HECA: variants seen among roughly 807,000 people sequenced by gnomAD.
HECA encodes headcase protein homolog.
In HECA, 13 loss-of-function variants were observed where a neutral mutation model predicts 37.6. That is an observed-to-expected ratio of 0.35 (90% confidence interval 0.23 to 0.55). The LOEUF (loss-of-function observed/expected upper bound fraction) is 0.55. Among genes scored for constraint, HECA ranks in the 20% least tolerant of loss-of-function variants. The pLI, the probability that HECA is intolerant of heterozygous loss-of-function variation, is 0.90. For synonymous variants in HECA, 307 were observed against 291.5 expected, an observed-to-expected ratio of 1.05 and a Z score of -0.54; for missense variants, 527 against 701.9, an observed-to-expected ratio of 0.75 and a Z score of 2.82.
Position 139,176,555 on chromosome 6 carries a change from A to G in HECA, c.1468-386A>G, listed in dbSNP as rs978365935. Among the ~76,000 whole-genome samples, 1 of 152,168 alleles carries G rather than the reference A, an allele frequency of 6.6e-6. No individual in the cohort carries two copies. The highest frequency in any genetic ancestry group is 2.4e-5 in the African/African-American group (1 of 41,434). On this transcript the variant is annotated intron_variant, in intron 3 of 3. Transcript: ENST00000367658. The surrounding 1 kb of genome is among the most constrained non-coding windows in gnomAD (Gnocchi z 4.5). Reference sequence around the variant, plus strand: ...CTTGGGAAATTTTATTTTTACATCAAAGAAAACGCAACTTTTCTATAGAGT... The same window carrying G: ...CTTGGGAAATTTTATTTTTACATCAGAGAAAACGCAACTTTTCTATAGAGT...
rs978418546 is a variant in HECA, at chr6:139,176,799, A to G, written c.1468-142A>G. 1.6e-6 allele frequency: 1 copy of G among 617,090 alleles called. No individual in the cohort carries two copies. Among genetic ancestry groups the G allele is most frequent in the Non-Finnish European group, 2.9e-6 (1 of 341,738 alleles). The allele number at this position is 617,090 out of a possible 1,614,324, so 38.2% of individuals were successfully genotyped here. On this transcript the variant is annotated intron_variant, in intron 3 of 3. Coordinates refer to ENST00000367658, the MANE Select transcript of HECA (RefSeq NM_016217.3). This position sits in a 1 kb window ranked among gnomAD's most constrained non-coding sequence, Gnocchi z 4.5. The stretch of plus-strand genomic sequence containing the variant: ...GAGAGAAGTTGGGAGTCTTTCAGGT[A>G]TACCCCGTTTCCATGTTTTTGGTAG...
chr6:139,141,165 G>A (rs1455163277), intron 1 of HECA, among the ~76,000 whole-genome samples: 2 of 152,144 alleles, frequency 1.3e-5, no homozygotes, highest in African/African-American at 2.4e-5. Context: ...AATGAAATAA[G>A]CATCTTAGAA....
chr6:139,166,548 G>A lies in HECA; in HGVS notation c.536G>A (p.Arg179His), dbSNP rs1161969968. 1.9e-6 allele frequency: 3 copies of A among 1,614,236 alleles called. No homozygotes were observed. The highest frequency in any genetic ancestry group is 2.5e-6 in the Non-Finnish European group (3 of 1,180,044). ...YDLAFRFCSC[R>H]CGQGHLKKDT... ...CTGGCCTTCCGCTTCTGCTCTTGCC[G>A]CTGTGGCCAGGGCCACTTGAAGAAG... Residue 179 changes from arginine to histidine, a missense_variant, in exon 2 of 4, where the codon CGC becomes CAC. Arg to His is a conservative substitution (Grantham distance 29). Coordinates refer to ENST00000367658, the MANE Select transcript of HECA (RefSeq NM_016217.3).
chr6:139,140,101 A>G (rs572995875), intron 1 of HECA, among the ~76,000 whole-genome samples: 10 of 152,256 alleles, frequency 6.6e-5, no homozygotes, highest in South Asian at 2.1e-4. Flanking sequence ...TTTGCTGCAT[A>G]TTTAGGCCAC....
intron 1 of HECA, among the ~76,000 whole-genome samples, chr6:139,164,629 T>C (rs1442722183): frequency 6.6e-6 from 1 of 152,064 alleles, no homozygotes; most frequent in Non-Finnish European, 1.5e-5. Flanking sequence ...AAGAACTGCA[T>C]GGTATAAAAT....
intron 2 of HECA, chr6:139,170,113 T>G (rs1774951371): frequency 6.6e-6 from 1 of 152,168 alleles, no homozygotes; most frequent in Non-Finnish European, 1.5e-5. Context: ...TTGGGGGTAA[T>G]TTTAGAGGGA....
At chr6:139,166,018 C>T (rs1025107589) in intron 1 of HECA, 1 of 352,888 alleles carries the variant, frequency 2.8e-6, no homozygotes, top group Non-Finnish European at 5.1e-6. Context: ...TATGTTCCAG[C>T]GGCTTTCTGG....
At chr6:139,174,667 G>A (rs1005160065) in intron 3 of HECA, 128 bp downstream of exon 3, 1 of 1,335,984 alleles carries the variant, frequency 7.5e-7, no homozygotes, top group Admixed American at 2.6e-5. Context: ...GTTACTACTT[G>A]TAATGTAGTC....
intron 1 of HECA, among the ~76,000 whole-genome samples, chr6:139,163,973 A>C (rs1206720763): frequency 1.3e-5 from 2 of 151,994 alleles, no homozygotes; most frequent in East Asian, 3.9e-4. Flanking sequence ...GTGGGTCCTA[A>C]ATAGGGCAGC....
chr6:139,176,883 T>C lies in HECA; in HGVS notation c.1468-58T>C, dbSNP rs1775059084. On this transcript the variant is annotated intron_variant, in intron 3 of 3. Coordinates refer to ENST00000367658, the MANE Select transcript of HECA (RefSeq NM_016217.3). This position sits in a 1 kb window ranked among gnomAD's most constrained non-coding sequence, Gnocchi z 4.5. The stretch of plus-strand genomic sequence containing the variant: ...TTCCCAGCATTTTGGTTTGGATGAC[T>C]TTGACAAGTGTTGGGAAGTGGAGGG... The C allele has an allele frequency of 1.2e-6, 1 of 822,200 alleles. No individual in the cohort carries two copies. Among genetic ancestry groups the C allele is most frequent in the Admixed American group, 1.8e-5 (1 of 55,600 alleles). The allele number at this position is 822,200 out of a possible 1,614,324, so 50.9% of individuals were successfully genotyped here.
At position 139,177,187 on chromosome 6, in the gene HECA, A is replaced by G. The variant is rs1272472046; in HGVS notation, c.*82A>G. On this transcript the variant is annotated 3_prime_UTR_variant, in exon 4 of 4. Coordinates refer to ENST00000367658, the MANE Select transcript of HECA (RefSeq NM_016217.3). The surrounding 1 kb of genome is among the most constrained non-coding windows in gnomAD (Gnocchi z 4.9). ...CTTTTATAGGGAAACATTCTGTGACATTAATTTCCTTTCTAATTTAAAGGA... is the reference window on the plus strand; with the variant it reads ...CTTTTATAGGGAAACATTCTGTGACGTTAATTTCCTTTCTAATTTAAAGGA... The G allele has an allele frequency of 4.5e-6, 3 of 662,116 alleles. No individual in the cohort carries two copies. Among genetic ancestry groups the G allele is most frequent in the Non-Finnish European group, 7.7e-6 (3 of 388,652 alleles). The allele number at this position is 662,116 out of a possible 1,614,324, so 41.0% of individuals were successfully genotyped here.
chr6:139,144,834 T>G (rs149048977), intron 1 of HECA, among the ~76,000 whole-genome samples: 37 of 152,346 alleles, frequency 2.4e-4, no homozygotes, highest in African/African-American at 8.7e-4. Flanking sequence ...GATGACAGTG[T>G]TGCAGGATCC....
intron 2 of HECA, among the ~76,000 whole-genome samples, chr6:139,168,734 C>T (rs1041578207): frequency 6.6e-6 from 1 of 151,974 alleles, no homozygotes; most frequent in Non-Finnish European, 1.5e-5. Flanking sequence ...AGGAAACATC[C>T]CCCAGGAGCT....
intron 1 of HECA, among the ~76,000 whole-genome samples, chr6:139,164,067 AAC>A (rs1482663941): frequency 8.5e-6 from 1 of 118,134 alleles, no homozygotes; most frequent in African/African-American, 3.8e-5. Flanking sequence ...CACACACACA[AAC>A]ACACACACAC....
intron 1 of HECA, among the ~76,000 whole-genome samples, chr6:139,156,441 C>G (rs192893795): frequency 6.6e-6 from 1 of 152,312 alleles, no homozygotes; most frequent in Non-Finnish European, 1.5e-5. Context: ...AACTCCTGGG[C>G]TGAAGTGACC....
chr6:139,170,819 G>A (rs1466267504), intron 2 of HECA, among the ~76,000 whole-genome samples: 1 of 152,164 alleles, frequency 6.6e-6, no homozygotes, highest in Non-Finnish European at 1.5e-5. Flanking sequence ...AAAGGTGCGG[G>A]AAAGGGGTTT....
At chr6:139,168,085 A>G (rs1056468838) in intron 2 of HECA, among the ~76,000 whole-genome samples, 2 of 152,202 alleles carry the variant, frequency 1.3e-5, no homozygotes, top group Non-Finnish European at 2.9e-5. Flanking sequence ...CCTTCCCACC[A>G]ACCCTGCTGT....
In HECA at chr6:139,174,260, T is replaced by C. The variant is rs959616064; in HGVS notation, c.1313-125T>C. 6 of 1,140,214 alleles carry C rather than the reference T, an allele frequency of 5.3e-6. No homozygotes were observed. The East Asian group carries it at 1.6e-4, about 30-fold the overall frequency. 70.6% of individuals were successfully genotyped at this position (1,140,214 alleles called of 1,614,324 possible). ...CTTGTGTACTAAATATTGATTTTTC[T>C]TTTTATATTTATCCAAATGATAAAA... On this transcript the variant is annotated intron_variant, in intron 2 of 3. Coordinates refer to ENST00000367658, the MANE Select transcript of HECA (RefSeq NM_016217.3).
chr6:139,180,562 C>T lies in HECA; in HGVS notation c.*3457C>T, dbSNP rs937711083. 10 of 152,616 alleles carry T rather than the reference C, an allele frequency of 6.6e-5. No individual in the cohort carries two copies. Among genetic ancestry groups the T allele is most frequent in the South Asian group, 2.1e-4 (1 of 4,822 alleles). The allele number at this position is 152,616 out of a possible 1,614,324, so 9.5% of individuals were successfully genotyped here. A position where few individuals can be genotyped will look rare whatever the true frequency, so the allele number is the denominator to read the frequency against. ...TCTATGTCCTGTTCACTGAATATTCCGGGTAATTGAAAGAAAATATAATGG... is the reference window on the plus strand; with the variant it reads ...TCTATGTCCTGTTCACTGAATATTCTGGGTAATTGAAAGAAAATATAATGG... On this transcript the variant is annotated 3_prime_UTR_variant, in exon 4 of 4. Transcript: ENST00000367658.
Sources: allele counts gnomAD v4.1 joint callset (sites outside exome capture counted in the v4.1 genomes callset), GRCh38; gene constraint gnomAD v4.1.1; non-coding constraint Gnocchi (gnomAD v3.1); transcripts MANE v1.5; gene names NCBI Gene and HGNC (gene_info 2026-07-23, HGNC 2026-07-21).